The following R3HDM2 variants were observed in gnomAD, a reference collection of about 807,000 sequenced individuals.
The protein encoded by R3HDM2 is R3H domain-containing protein 2.
A neutral mutation model predicts 124.5 loss-of-function variants in R3HDM2; 38 were observed. That is an observed-to-expected ratio of 0.31 (90% confidence interval 0.24 to 0.40). R3HDM2 has a LOEUF of 0.40. Ranked by LOEUF, R3HDM2 falls within the 10% of genes least tolerant of loss-of-function variation. The pLI is 1.00. For synonymous variants in R3HDM2, 391 were observed against 448.0 expected, an observed-to-expected ratio of 0.87 and a Z score of 1.61; for missense variants, 869 against 1,236.9, an observed-to-expected ratio of 0.70 and a Z score of 4.46.
chr12:57,312,736 T>C (rs1389608004), intron 2 of R3HDM2, among the ~76,000 whole-genome samples: 1 of 152,008 alleles, frequency 6.6e-6, no homozygotes, highest in African/African-American at 2.4e-5. Context: ...CCTGACGTGG[T>C]GGTAAGCCAT....
intron 2 of R3HDM2, among the ~76,000 whole-genome samples, chr12:57,344,006 A>G (rs565103587): frequency 5.3e-5 from 8 of 152,306 alleles, no homozygotes; most frequent in African/African-American, 1.9e-4. Flanking sequence ...ACATAAAAAG[A>G]ATTTGCAAAA....
At chr12:57,348,693 C>CAAAAAAAAAAAAAAAAAAAA (rs1168127324) in intron 2 of R3HDM2, among the ~76,000 whole-genome samples, 2 of 25,134 alleles carry the variant, frequency 8.0e-5, no homozygotes, top group African/African-American at 3.3e-4. Context: ...GACTCCGTCT[C>CAAAAAAAAAAAAAAAAAAAA]AAAAAAAAAA....
intron 1 of R3HDM2, among the ~76,000 whole-genome samples, chr12:57,406,143 G>A (rs1261254581): frequency 6.6e-6 from 1 of 152,016 alleles, no homozygotes; most frequent in Non-Finnish European, 1.5e-5. Context: ...CCGACATGGT[G>A]AAACCCCATT....
intron 2 of R3HDM2, among the ~76,000 whole-genome samples, chr12:57,339,955 A>G (rs1335411264): frequency 6.6e-6 from 1 of 152,188 alleles, no homozygotes; most frequent in Non-Finnish European, 1.5e-5. Context: ...GTAGGGAGAA[A>G]AGGGGATAAA....
At chr12:57,284,154 G>T in intron 12 of R3HDM2, 98 bp from the exon 13 acceptor site, 1 of 1,142,382 alleles carries the variant, frequency 8.8e-7, no homozygotes, top group Non-Finnish European at 1.2e-6. Flanking sequence ...CAAAGAATGG[G>T]TAAGAATTAA....
chr12:57,300,063 A>C, intron 5 of R3HDM2, 32 bp downstream of exon 5: 1 of 1,508,400 alleles, frequency 6.6e-7, no homozygotes, highest in Non-Finnish European at 9.0e-7. Flanking sequence ...TGCCAAGCGC[A>C]AAAGCTACAC....
intron 2 of R3HDM2, among the ~76,000 whole-genome samples, chr12:57,360,006 A>AATAAATAAATAAATATAT (rs1403496780): frequency 8.5e-6 from 1 of 117,690 alleles, no homozygotes; most frequent in African/African-American, 3.0e-5. Context: ...TAAATAAATA[A>AATAAATAAATAAATATAT]ATATATATAT....
intron 2 of R3HDM2, among the ~76,000 whole-genome samples, chr12:57,351,741 A>G (rs2060698420): frequency 6.6e-6 from 1 of 152,152 alleles, no homozygotes; most frequent in African/African-American, 2.4e-5. Context: ...CAAATCACTA[A>G]CACACTGTGT....
rs117942100 is a variant in R3HDM2 at position 57,418,135 on chromosome 12, C to T, written c.-106+12585G>A. The stretch of plus-strand genomic sequence containing the variant: ...ACATTTCCTCTAATCCCAAACCTAC[C>T]CTTTTCTTATCTCAGTAAGCAACAC... On this transcript the variant is annotated intron_variant, in intron 1 of 23. Coordinates refer to ENST00000402412, the MANE Select transcript of R3HDM2 (RefSeq NM_001394031.1). 246 of 984,018 alleles carry T rather than the reference C, an allele frequency of 2.5e-4. 2 individuals carry two copies. In the East Asian group the frequency reaches 0.026, roughly 103 times the overall value. 61.0% of individuals were successfully genotyped at this position (984,018 alleles called of 1,614,324 possible).
intron 1 of R3HDM2, among the ~76,000 whole-genome samples, chr12:57,399,948 A>G (rs1265879504): frequency 6.6e-6 from 1 of 152,192 alleles, no homozygotes; most frequent in Non-Finnish European, 1.5e-5. Context: ...ATTCATCCTG[A>G]TGGACTGACA....
intron 1 of R3HDM2, among the ~76,000 whole-genome samples, chr12:57,419,288 C>T (rs114338583): frequency 0.011 from 1,743 of 151,896 alleles, 32 homozygotes; most frequent in African/African-American, 0.04. Context: ...CGATTACAGG[C>T]AAGTGCCACC....
In R3HDM2 at chr12:57,280,452, G is replaced by A. The variant is rs544396100; in HGVS notation, c.1250C>T (p.Ala417Val). ...QSVRGLLPCT[A>V]QQQQQQQQQQ... The stretch of plus-strand genomic sequence containing the variant: ...CTGCTGCTGCTGCTGTTGCTGCTGG[G>A]CAGTACAAGGGAGAAGCCCCCGGAC... Residue 417 changes from alanine (A) to valine (V), a missense_variant, in exon 14 of 24, where the codon GCC (alanine) becomes GTC (valine). By Grantham distance (64) the Ala-to-Val change is moderately conservative (BLOSUM62 0). This residue lies in a region of R3HDM2 where 602 missense variants were observed against 789.2 expected (regional missense o/e 0.76). Transcript: ENST00000402412. The A allele has an allele frequency of 1.3e-5, 21 of 1,614,108 alleles. No individual in the cohort carries two copies. The highest frequency in any genetic ancestry group is 3.3e-4 in the Middle Eastern group (2 of 6,060).
intron 19 of R3HDM2, among the ~76,000 whole-genome samples, chr12:57,265,857 C>T (rs1487355452): frequency 1.3e-5 from 2 of 150,634 alleles, no homozygotes; most frequent in African/African-American, 2.4e-5. Context: ...AGTGCAGTGG[C>T]GCGATCTCGG....
At chr12:57,258,837 C>T (rs866219285) in intron 20 of R3HDM2, 53 bp downstream of exon 20, 24 of 1,414,630 alleles carry the variant, frequency 1.7e-5, no homozygotes, top group African/African-American at 1.6e-4. Flanking sequence ...CATTGCGCCC[C>T]GGGAAGAATA....
intron 1 of R3HDM2, among the ~76,000 whole-genome samples, chr12:57,402,794 T>C (rs1164095437): frequency 1.3e-5 from 2 of 151,986 alleles, no homozygotes; most frequent in Non-Finnish European, 2.9e-5. Flanking sequence ...TGGCCTCAAG[T>C]GATCCACCTG....
At chr12:57,429,224 G>A (rs1298369074) in intron 1 of R3HDM2, among the ~76,000 whole-genome samples, 2 of 148,796 alleles carry the variant, frequency 1.3e-5, no homozygotes, top group Non-Finnish European at 3.0e-5. Context: ...CCATCCCTAC[G>A]AAAAAAAAAT....
At chr12:57,360,006 A>AATAT (rs1366274892) in intron 2 of R3HDM2, among the ~76,000 whole-genome samples, 1,461 of 117,608 alleles carry the variant, frequency 0.012, 15 homozygotes, top group African/African-American at 0.033. Context: ...TAAATAAATA[A>AATAT]ATATATATAT....
At chr12:57,301,435 G>A (rs925409387) in intron 4 of R3HDM2, among the ~76,000 whole-genome samples, 5 of 152,164 alleles carry the variant, frequency 3.3e-5, no homozygotes, top group Non-Finnish European at 4.4e-5. Flanking sequence ...AAGAACTTGC[G>A]AGCCTGAAGA....
chr12:57,280,633 C>T, intron 13 of R3HDM2, 103 bp from the exon 14 acceptor site: 1 of 1,059,392 alleles, frequency 9.4e-7, no homozygotes, highest in Non-Finnish European at 1.3e-6. Flanking sequence ...TGCCTTTCCT[C>T]TTTATTCCCT....
Sources: gnomAD v4.1 joint callset for allele counts (sites outside exome capture counted in the v4.1 genomes callset) on GRCh38, gnomAD v4.1.1 for gene constraint, gnomAD v4.1.1 regional missense constraint, MANE v1.5 for transcripts, NCBI Gene and HGNC (gene_info 2026-07-23, HGNC 2026-07-21) for gene names.